JMJD1C: variants seen among roughly 807,000 people sequenced by gnomAD.
JMJD1C encodes the protein jumonji domain-containing protein 1C.
JMJD1C carries 31 observed loss-of-function variants against 245.3 expected under a neutral mutation model. That is an observed-to-expected ratio of 0.13 (90% CI 0.09 to 0.17). JMJD1C has a LOEUF of 0.17. JMJD1C is among the 10% of genes least tolerant of loss of function. The pLI is 1.00. For missense variants in JMJD1C, 2,691 were observed against 3,000.2 expected, an observed-to-expected ratio of 0.90 and a Z score of 2.41; for synonymous variants, 1,057 against 1,017.4, an observed-to-expected ratio of 1.04 and a Z score of -0.74.
intron 1 of JMJD1C, among the ~76,000 whole-genome samples, chr10:63,391,489 G>A (rs554452781): frequency 1.0e-3 from 150 of 149,184 alleles, no homozygotes; most frequent in Non-Finnish European, 1.8e-3. Context: ...CAGTCTGGGC[G>A]ACAGAGTGAG....
intron 1 of JMJD1C, among the ~76,000 whole-genome samples, chr10:63,404,409 A>AT (rs903952465): frequency 9.9e-5 from 15 of 151,698 alleles, no homozygotes; most frequent in East Asian, 1.9e-4. Context: ...CCACATGCTA[A>AT]TTTTTTTTTC....
At chr10:63,357,832 C>T (rs1210712568) in intron 2 of JMJD1C, among the ~76,000 whole-genome samples, 1 of 80,422 alleles carries the variant, frequency 1.2e-5, no homozygotes, top group Admixed American at 1.1e-4. Flanking sequence ...GACAGACACA[C>T]ACACACACAC....
At chr10:63,193,705 C>A in intron 14 of JMJD1C, 1 of 290,388 alleles carries the variant, frequency 3.4e-6, no homozygotes, top group Non-Finnish European at 6.3e-6. Context: ...CTTGCTCTGT[C>A]ACCCAGGCTG....
chr10:63,210,927 G>C (rs1297613562), intron 8 of JMJD1C, among the ~76,000 whole-genome samples: 1 of 152,200 alleles, frequency 6.6e-6, no homozygotes, highest in Non-Finnish European at 1.5e-5. Flanking sequence ...TGGAAAGCTT[G>C]TGATCAATGG....
intron 2 of JMJD1C, among the ~76,000 whole-genome samples, chr10:63,314,963 T>G (rs1190080589): frequency 2.0e-5 from 3 of 149,294 alleles, no homozygotes; most frequent in South Asian, 4.3e-4. Flanking sequence ...TTTGTTTTTT[T>G]TTTTTTTTTG....
intron 1 of JMJD1C, among the ~76,000 whole-genome samples, chr10:63,460,516 C>A (rs1006234193): frequency 6.6e-6 from 1 of 151,990 alleles, no homozygotes; most frequent in Admixed American, 6.6e-5. Flanking sequence ...AAGACCCTGT[C>A]TCAAAAAAGA....
rs1944325106 is a variant in JMJD1C at position 63,351,117 on chromosome 10, C to A, written c.333+29201G>T. On this transcript the variant is annotated intron_variant, in intron 2 of 25. Transcript: ENST00000399262. Reference sequence around the variant, plus strand: ...TTTTTGAGATGGAGTCTCGCTCTATCACCCAGGCTGGAATGCAGTGGTGAG... The same window carrying A: ...TTTTTGAGATGGAGTCTCGCTCTATAACCCAGGCTGGAATGCAGTGGTGAG... Among the ~76,000 whole-genome samples the A allele has an allele frequency of 2.1e-5, 3 of 145,888 alleles. No individual in the cohort carries two copies. The South Asian group carries it at 6.5e-4, about 32-fold the overall frequency.
chr10:63,408,424 T>C (rs1030104185), intron 1 of JMJD1C, among the ~76,000 whole-genome samples: 2 of 150,720 alleles, frequency 1.3e-5, no homozygotes, highest in Non-Finnish European at 3.0e-5. Context: ...CAGATAAAAA[T>C]CAATGTACAT....
Position 63,271,397 on chromosome 10 carries a change from C to T in JMJD1C, c.334-6633G>A, listed in dbSNP as rs559532559. On this transcript the variant is annotated intron_variant, in intron 2 of 25. Transcript: ENST00000399262. The stretch of plus-strand genomic sequence containing the variant: ...GTCATCATGTTGACCAGGCTGGTTT[C>T]GGATCCCTGGCCTCAAATGATCCAC... 4.9e-4 allele frequency among the ~76,000 whole-genome samples: 75 copies of T among 151,954 alleles called. 1 individual carries two copies. The highest frequency in any genetic ancestry group is 1.7e-3 in the African/African-American group (70 of 41,400).
chr10:63,475,881 T>C (rs188902697), intron 1 of JMJD1C, among the ~76,000 whole-genome samples: 35 of 152,248 alleles, frequency 2.3e-4, no homozygotes, highest in Middle Eastern at 3.4e-3. Context: ...AGCAAATCAA[T>C]CCCCATCTTA....
At chr10:63,337,624 A>AAAAGAAAAAGAAAAAGAAAAAG (rs139374030) in intron 2 of JMJD1C, among the ~76,000 whole-genome samples, 2 of 60,222 alleles carry the variant, frequency 3.3e-5, no homozygotes, top group African/African-American at 1.5e-4. Context: ...AAAAGAAAAG[A>AAAAGAAAAAGAAAAAGAAAAAG]AAAAGAAAAG....
intron 2 of JMJD1C, among the ~76,000 whole-genome samples, chr10:63,360,461 G>A (rs1052403256): frequency 3.9e-5 from 6 of 152,180 alleles, no homozygotes; most frequent in African/African-American, 1.2e-4. Context: ...ATCCAACCTT[G>A]TAAGTCTTAT....
chr10:63,235,362 TG>T (rs1392801842), intron 3 of JMJD1C, among the ~76,000 whole-genome samples: 4 of 152,034 alleles, frequency 2.6e-5, no homozygotes, highest in Non-Finnish European at 4.4e-5. Flanking sequence ...CTGGGTGTGG[TG>T]GCAAGCGCCT....
chr10:63,256,726 G>GT (rs1162453458), intron 3 of JMJD1C, among the ~76,000 whole-genome samples: 1 of 152,170 alleles, frequency 6.6e-6, no homozygotes, highest in Non-Finnish European at 1.5e-5. Context: ...CCAGTAGTCA[G>GT]TTCATAGTTA....
intron 1 of JMJD1C, among the ~76,000 whole-genome samples, chr10:63,437,910 C>T (rs1951147393): frequency 6.6e-6 from 1 of 152,198 alleles, no homozygotes; most frequent in African/African-American, 2.4e-5. Flanking sequence ...TTTCATACCT[C>T]CCTGTCCCTT....
chr10:63,490,416 T>C (rs552019653), intron 1 of JMJD1C, among the ~76,000 whole-genome samples: 1 of 126,032 alleles, frequency 7.9e-6, no homozygotes, highest in Admixed American at 8.1e-5. Context: ...ATTATTTATT[T>C]ATTTTATTTT....
intron 1 of JMJD1C, among the ~76,000 whole-genome samples, chr10:63,384,283 G>A (rs1026618022): frequency 5.3e-5 from 8 of 152,140 alleles, no homozygotes; most frequent in African/African-American, 1.9e-4. Context: ...CATGAATCAT[G>A]AATGTTCTTA....
At chr10:63,389,801 C>T (rs1362997776) in intron 1 of JMJD1C, among the ~76,000 whole-genome samples, 3 of 151,892 alleles carry the variant, frequency 2.0e-5, no homozygotes, top group Non-Finnish European at 1.5e-5. Flanking sequence ...ACCACTAGGT[C>T]AAGAAAGAAA....
intron 1 of JMJD1C, among the ~76,000 whole-genome samples, chr10:63,430,336 A>T (rs950500403): frequency 6.6e-6 from 1 of 152,238 alleles, no homozygotes; most frequent in African/African-American, 2.4e-5. Flanking sequence ...AGAAAACATA[A>T]ATTGGGCTTC....
Sources: gnomAD v4.1 joint callset for allele counts (sites outside exome capture counted in the v4.1 genomes callset) on GRCh38, gnomAD v4.1.1 for gene constraint, MANE v1.5 for transcripts, NCBI Gene and HGNC (gene_info 2026-07-23, HGNC 2026-07-21) for gene names.